The following CLEC2A variants were observed in gnomAD, a reference collection of about 807,000 sequenced individuals.
The protein encoded by CLEC2A is keratinocyte-associated C-type lectin.
In CLEC2A, 19 loss-of-function variants were observed where a neutral mutation model predicts 18.6. The ratio of observed to expected loss-of-function variants is 1.02; its 90% CI spans 0.71 to 1.50. The LOEUF (loss-of-function observed/expected upper bound fraction) is 1.50, where lower values mean the gene tolerates loss of function less well. Ranked by LOEUF, CLEC2A falls within the 40% of genes most tolerant of loss-of-function variation. The pLI, the probability that CLEC2A is intolerant of heterozygous loss-of-function variation, is 0.00. For synonymous variants in CLEC2A, 74 were observed against 64.0 expected, an observed-to-expected ratio of 1.16 and a Z score of -0.75; for missense variants, 190 against 207.9, an observed-to-expected ratio of 0.91 and a Z score of 0.53.
chr12:9,916,609 G>T (rs1863075557), intron 4 of CLEC2A, 91 bp downstream of exon 4: 2 of 856,054 alleles, frequency 2.3e-6, no homozygotes, highest in Non-Finnish European at 3.8e-6. Flanking sequence ...AAAACAGAAA[G>T]ATTTGTTTAT....
intron 3 of CLEC2A, among the ~76,000 whole-genome samples, chr12:9,919,955 T>G (rs376506926): frequency 6.6e-6 from 1 of 152,148 alleles, no homozygotes; most frequent in South Asian, 2.1e-4. Context: ...TCTGGCCACT[T>G]TTTTGTAGAG....
chr12:9,888,452 T>C, the CLEC2A span, among the ~76,000 whole-genome samples: 1 of 151,494 alleles, frequency 6.6e-6, no homozygotes, highest in African/African-American at 2.4e-5. Flanking sequence ...ATTGCGCCAC[T>C]GCACTGCAGC....
Position 9,916,785 on chromosome 12 carries a change from C to T in CLEC2A, c.325G>A (p.Ala109Thr), listed in dbSNP as rs1249291070. Residue 109 changes from alanine (A) to threonine (T), a missense_variant, in exon 4 of 5, where the codon GCA (alanine) becomes ACA (threonine). Coordinates refer to ENST00000455827, the MANE Select transcript of CLEC2A (RefSeq NM_001130711.2). The stretch of plus-strand genomic sequence containing the variant: ...CCAATCCAGTGCATATCAGTTCCTG[C>T]GTACCTCTTCAAAAATTCCTTTCAC... ...QEDMEFLKRY[A>T]GTDMHWIGLS... 13 of 1,550,306 alleles carry T rather than the reference C, an allele frequency of 8.4e-6. No individual in the cohort carries two copies. Among genetic ancestry groups the T allele is most frequent in the African/African-American group, 2.7e-5 (2 of 72,976 alleles).
At chr12:9,895,381 G>A (rs760546055), downstream of CLEC2A, among the ~76,000 whole-genome samples, 1 of 152,212 alleles carries the variant, frequency 6.6e-6, no homozygotes, top group South Asian at 2.1e-4. Flanking sequence ...GAAGCTGGGA[G>A]AAGTGAATGG....
chr12:9,887,811 G>A, the CLEC2A span, among the ~76,000 whole-genome samples: 4 of 150,972 alleles, frequency 2.6e-5, no homozygotes, highest in Non-Finnish European at 5.9e-5. Context: ...CAGCACTTTG[G>A]GAGGCCAAGG....
chr12:9,903,084 T>C lies in CLEC2A; in HGVS notation c.411-4108A>G, dbSNP rs143840587. Among the ~76,000 whole-genome samples the C allele has an allele frequency of 1.1e-4, 16 of 151,870 alleles. No individual in the cohort carries two copies. In the East Asian group the frequency reaches 2.9e-3, roughly 28 times the overall value. ...TGTTTGCAGGATAGAAGCAAGAGAG[T>C]ACAAGAAGTTTTGGCCTCTGAACAA... On this transcript the variant is annotated intron_variant, in intron 4 of 4. Coordinates refer to the CLEC2A transcript ENST00000339766.
At chr12:9,922,766 C>T (rs1010235765) in intron 2 of CLEC2A, among the ~76,000 whole-genome samples, 1 of 152,146 alleles carries the variant, frequency 6.6e-6, no homozygotes, top group Non-Finnish European at 1.5e-5. Context: ...TGGAGATTTA[C>T]TGTCTCAAGG....
the CLEC2A span, among the ~76,000 whole-genome samples, chr12:9,890,920 TAGTC>T: frequency 3.3e-5 from 5 of 152,202 alleles, no homozygotes; most frequent in Non-Finnish European, 7.3e-5. Flanking sequence ...TATCCTCTAA[TAGTC>T]AGCATTAAAA....
intron 1 of CLEC2A, among the ~76,000 whole-genome samples, chr12:9,927,354 T>G (rs1466594271): frequency 6.6e-6 from 1 of 152,206 alleles, no homozygotes; most frequent in East Asian, 1.9e-4. Context: ...CAAGGCAGCT[T>G]CATTGTAATC....
chr12:9,889,521 T>G, the CLEC2A span, among the ~76,000 whole-genome samples: 1 of 152,156 alleles, frequency 6.6e-6, no homozygotes, highest in Non-Finnish European at 1.5e-5. Context: ...TCCTTCAGAC[T>G]GAAGATATAA....
At chr12:9,897,963 CTCCAAATTAAGTGT>C (rs1862775648), downstream of CLEC2A, among the ~76,000 whole-genome samples, 2 of 152,118 alleles carry the variant, frequency 1.3e-5, no homozygotes, top group African/African-American at 4.8e-5. Context: ...ATGGCATTTC[CTCCAAATTAAGTGT>C]TCTCAATTTT....
chr12:9,902,296 C>G (rs7312799), intron 4 of CLEC2A, among the ~76,000 whole-genome samples: 74,930 of 149,214 alleles, frequency 0.5, 19,586 homozygotes, highest in Non-Finnish European at 0.59. Flanking sequence ...TGTAGTCACA[C>G]AATCTCGGCT....
At chr12:9,891,272 T>C in the CLEC2A span, among the ~76,000 whole-genome samples, 1 of 152,324 alleles carries the variant, frequency 6.6e-6, no homozygotes, top group South Asian at 2.1e-4. Flanking sequence ...GAGCAGTTGA[T>C]ATAAAGAGTT....
chr12:9,899,014 C>T (rs906426034), intron 4 of CLEC2A: 2 of 703,074 alleles, frequency 2.8e-6, no homozygotes, highest in African/African-American at 1.8e-5. Flanking sequence ...TATTAGAAAA[C>T]ATATATCAAA....
In CLEC2A at chr12:9,930,246, T is replaced by C. The variant is rs140018941; in HGVS notation, c.55+2029A>G. 2.6e-5 allele frequency among the ~76,000 whole-genome samples: 4 copies of C among 152,296 alleles called. No homozygotes were observed. The East Asian group carries it at 7.7e-4, about 29-fold the overall frequency. On this transcript the variant is annotated intron_variant, in intron 1 of 4. Transcript: ENST00000455827. ...AGTAATATTAAATTAGGTCCCAACCTACCGACCTAATTTTAACGTGGTAAA... is the reference window on the plus strand; with the variant it reads ...AGTAATATTAAATTAGGTCCCAACCCACCGACCTAATTTTAACGTGGTAAA...
chr12:9,913,613 A>C lies in CLEC2A; in HGVS notation c.478T>G (p.Phe160Val). 1 of 1,549,978 alleles carries C rather than the reference A, an allele frequency of 6.5e-7. No homozygotes were observed. Among genetic ancestry groups the C allele is most frequent in the Non-Finnish European group, 8.7e-7 (1 of 1,146,812 alleles). ...CTGCAAATCCACTTGATATCAATAA[A>C]TCCTCTGGAACTATGGACTCCATCA... ...SADGVHSSRGFIDIKWICSKP... is the reference protein window; with the variant it reads ...SADGVHSSRGVIDIKWICSKP... The change falls in exon 5 of 5, where the codon TTT becomes GTT. Residue 160 changes from phenylalanine (F) to valine (V), a missense_variant. Transcript: ENST00000455827.
chr12:9,895,829 T>G (rs1218552010), downstream of CLEC2A: 1 of 1,528,210 alleles, frequency 6.5e-7, no homozygotes, highest in Non-Finnish European at 8.7e-7. Context: ...ACCAGTGGTG[T>G]GTAAATGTAC....
chr12:9,882,824 T>G, the CLEC2A span, among the ~76,000 whole-genome samples: 1 of 152,114 alleles, frequency 6.6e-6, no homozygotes, highest in Non-Finnish European at 1.5e-5. Flanking sequence ...GCCCACAGAC[T>G]AAATGTATGG....
chr12:9,905,541 C>G (rs1862894965), intron 4 of CLEC2A, among the ~76,000 whole-genome samples: 1 of 152,064 alleles, frequency 6.6e-6, no homozygotes, highest in African/African-American at 2.4e-5. Context: ...AGGAGATAAG[C>G]CAATATATTT....
Sources: gnomAD v4.1 joint callset for allele counts (sites outside exome capture counted in the v4.1 genomes callset) on GRCh38, gnomAD v4.1.1 for gene constraint, MANE v1.5 for transcripts, NCBI Gene and HGNC (gene_info 2026-07-23, HGNC 2026-07-21) for gene names.